The following CLASP1 variants were observed in gnomAD, a reference collection of about 807,000 sequenced individuals.
CLASP1 encodes CLIP-associating protein 1.
Under a neutral mutation model 192.3 loss-of-function variants are expected in CLASP1, and 38 were observed. The observed-to-expected ratio is 0.20, with a 90% confidence interval of 0.15 to 0.26. The LOEUF (loss-of-function observed/expected upper bound fraction) is 0.26. Ranked by LOEUF, CLASP1 falls within the 10% of genes least tolerant of loss-of-function variation. The pLI, the probability that CLASP1 is intolerant of heterozygous loss-of-function variation, is 1.00. For synonymous variants in CLASP1, 691 were observed against 712.8 expected, an observed-to-expected ratio of 0.97 and a Z score of 0.49; for missense variants, 1,433 against 1,932.5, an observed-to-expected ratio of 0.74 and a Z score of 4.85.
chr2:121,614,043 T>A (rs1484736406), intron 1 of CLASP1, among the ~76,000 whole-genome samples: 1 of 152,156 alleles, frequency 6.6e-6, no homozygotes, highest in African/African-American at 2.4e-5. Context: ...CTCTAACCAT[T>A]CAGTGGCATA....
chr2:121,407,873 A>G (rs760281890), intron 24 of CLASP1, 158 bp from the exon 26 acceptor site: 1 of 926,448 alleles, frequency 1.1e-6, no homozygotes, highest in African/African-American at 1.6e-5. Flanking sequence ...GGAAATAAAA[A>G]CAGAAAAGCA....
intron 2 of CLASP1, among the ~76,000 whole-genome samples, chr2:121,604,998 CAG>C (rs2064240709): frequency 6.6e-6 from 1 of 152,206 alleles, no homozygotes; most frequent in Admixed American, 6.5e-5. Context: ...GGGGAGGAAG[CAG>C]AGAGAGGAAC....
At chr2:121,567,473 C>T (rs1382364891) in intron 2 of CLASP1, among the ~76,000 whole-genome samples, 1 of 152,230 alleles carries the variant, frequency 6.6e-6, no homozygotes, top group Admixed American at 6.5e-5. Context: ...CTTATAAGAT[C>T]CAGCTCCAGG....
intron 2 of CLASP1, among the ~76,000 whole-genome samples, chr2:121,573,152 G>T (rs955415119): frequency 1.3e-5 from 2 of 152,090 alleles, no homozygotes; most frequent in Admixed American, 1.3e-4. Context: ...TAGAGATGGG[G>T]TTTTGCCATG....
intron 26 of CLASP1, chr2:121,403,589 C>A (rs980392634): frequency 2.3e-5 from 10 of 439,932 alleles, no homozygotes; most frequent in African/African-American, 2.0e-4. Flanking sequence ...AGGTTCTATC[C>A]ATTTCCACAC....
chr2:121,449,633 A>C (rs182290346), intron 16 of CLASP1, among the ~76,000 whole-genome samples: 1 of 152,050 alleles, frequency 6.6e-6, no homozygotes, highest in African/African-American at 2.4e-5. Context: ...GGTCCAATAC[A>C]AGGATAAAAA....
exon 40 of CLASP1, chr2:121,337,943 G>GC (rs34948157): frequency 6.1e-4 from 91 of 148,164 alleles, no homozygotes; most frequent in Middle Eastern, 6.8e-3. Flanking sequence ...ACATGAAAAA[G>GC]CCCCCCCCCC....
intron 19 of CLASP1, among the ~76,000 whole-genome samples, chr2:121,437,066 G>A (rs558369944): frequency 1.3e-5 from 2 of 152,074 alleles, no homozygotes; most frequent in East Asian, 3.9e-4. Flanking sequence ...GTGCTCAAGC[G>A]ATCCCCCTGC....
At chr2:121,505,491 C>A (rs994933303) in intron 7 of CLASP1, 1 of 152,052 alleles carries the variant, frequency 6.6e-6, no homozygotes, top group Admixed American at 6.5e-5. Context: ...AAGGTTACCA[C>A]CTAAAGAGAC....
chr2:121,517,891 T>TTTTTTTTA (rs2094351427), intron 6 of CLASP1, among the ~76,000 whole-genome samples: 2 of 75,174 alleles, frequency 2.7e-5, no homozygotes, highest in African/African-American at 7.8e-5. Context: ...TTTTTTTTTT[T>TTTTTTTTA]AGAAAAAGGA....
chr2:121,469,567 C>T (rs767340407), intron 9 of CLASP1, among the ~76,000 whole-genome samples: 12 of 152,304 alleles, frequency 7.9e-5, no homozygotes, highest in Middle Eastern at 6.8e-3. Flanking sequence ...TGGCTTCCTT[C>T]TCCTGCAGGC....
chr2:121,589,120 G>T (rs114878415), intron 2 of CLASP1, among the ~76,000 whole-genome samples: 11 of 152,228 alleles, frequency 7.2e-5, no homozygotes, highest in African/African-American at 2.6e-4. Flanking sequence ...CACAGTTCTC[G>T]CCACCAAGTC....
At chr2:121,468,079 G>A (rs886132045) in intron 9 of CLASP1, among the ~76,000 whole-genome samples, 7 of 152,136 alleles carry the variant, frequency 4.6e-5, no homozygotes, top group Admixed American at 1.3e-4. Context: ...TATCAGGTTT[G>A]TCGAAGATCA....
At chr2:121,492,376 G>T (rs577412056) in intron 8 of CLASP1, among the ~76,000 whole-genome samples, 1 of 115,208 alleles carries the variant, frequency 8.7e-6, no homozygotes. Context: ...GCGACAGAGC[G>T]AGACTCCCTC....
intron 1 of CLASP1, among the ~76,000 whole-genome samples, chr2:121,611,966 T>G (rs2065632974): frequency 7.2e-6 from 1 of 139,190 alleles, no homozygotes; most frequent in Non-Finnish European, 1.5e-5. Flanking sequence ...AAGGAGGCAT[T>G]GGAGGAGTTA....
At chr2:121,626,670 G>C (rs548745542) in intron 1 of CLASP1, among the ~76,000 whole-genome samples, 1 of 151,824 alleles carries the variant, frequency 6.6e-6, no homozygotes. Context: ...AGTGATTCTC[G>C]CACTTTGGCA....
intron 39 of CLASP1, among the ~76,000 whole-genome samples, chr2:121,344,012 A>G (rs1271279090): frequency 6.6e-6 from 1 of 152,130 alleles, no homozygotes. Flanking sequence ...CGGAGGTTGC[A>G]GTGAGCCAAG....
At chr2:121,427,266 T>G (rs1175194653) in intron 21 of CLASP1, 138 bp downstream of exon 21, 24 of 1,087,696 alleles carry the variant, frequency 2.2e-5, no homozygotes, top group Non-Finnish European at 3.1e-5. Context: ...ACTCTAGAAT[T>G]TGAACACAAA....
At chr2:121,523,669 G>A (rs2094506560) in intron 6 of CLASP1, among the ~76,000 whole-genome samples, 1 of 152,188 alleles carries the variant, frequency 6.6e-6, no homozygotes, top group African/African-American at 2.4e-5. Context: ...GATCTTTTGG[G>A]CGGGGAAATA....
Sources: allele counts gnomAD v4.1 joint callset (sites outside exome capture counted in the v4.1 genomes callset), GRCh38; gene constraint gnomAD v4.1.1; transcripts MANE v1.5; gene names NCBI Gene and HGNC (gene_info 2026-07-23, HGNC 2026-07-21).